CRTC3: variants seen among roughly 807,000 people sequenced by gnomAD.
CRTC3 encodes the protein CREB-regulated transcription coactivator 3.
Under a neutral mutation model 74.5 loss-of-function variants are expected in CRTC3, and 26 were observed. The observed-to-expected ratio is 0.35, with a 90% CI of 0.26 to 0.48. CRTC3 has a LOEUF of 0.48. Among genes scored for constraint, CRTC3 ranks in the 20% least tolerant of loss-of-function variants. The probability of loss-of-function intolerance (pLI) is 0.99; values close to 1 mark genes in which losing one functional copy is unlikely to be tolerated. For synonymous variants in CRTC3, 377 were observed against 325.8 expected, an observed-to-expected ratio of 1.16 and a Z score of -1.69; for missense variants, 760 against 787.3, an observed-to-expected ratio of 0.97 and a Z score of 0.41.
chr15:90,598,533 C>T (rs1567178493), intron 3 of CRTC3: 6 of 702,062 alleles, frequency 8.5e-6, no homozygotes, highest in African/African-American at 1.8e-5. Context: ...ACTGCAGAGG[C>T]TTGGGGAGAG....
chr15:90,560,330 G>A (rs533120099), intron 2 of CRTC3, among the ~76,000 whole-genome samples: 1 of 152,336 alleles, frequency 6.6e-6, no homozygotes, highest in South Asian at 2.1e-4. Flanking sequence ...ATTCTTGAAA[G>A]AGAATGTGTT....
At position 90,626,000 on chromosome 15, in the gene CRTC3, ATC is replaced by A; in HGVS notation, c.967+10_967+11del. ...GGTATAAGAAGCTCCTCTGGTGAGT[ATC>A]TCCTGCTTAGCAGTGACCTGGTGGC... On this transcript the variant is annotated splice_region_variant and intron_variant, in intron 10 of 14. Transcript: ENST00000268184. 1 of 1,610,412 alleles carries A rather than the reference ATC, an allele frequency of 6.2e-7. No individual in the cohort carries two copies. Among genetic ancestry groups the A allele is most frequent in the Non-Finnish European group, 8.5e-7 (1 of 1,176,556 alleles).
intron 11 of CRTC3, among the ~76,000 whole-genome samples, chr15:90,632,668 G>A (rs533642652): frequency 8.5e-5 from 13 of 152,158 alleles, no homozygotes; most frequent in African/African-American, 1.9e-4. Context: ...GTAGTGGTGC[G>A]ATCTCAACTC....
At chr15:90,546,307 C>T (rs1347737484) in intron 2 of CRTC3, among the ~76,000 whole-genome samples, 1 of 152,158 alleles carries the variant, frequency 6.6e-6, no homozygotes, top group African/African-American at 2.4e-5. Context: ...TTTCTTTTCC[C>T]TATTGAATGC....
intron 3 of CRTC3, among the ~76,000 whole-genome samples, chr15:90,597,102 C>T (rs1967945712): frequency 6.6e-6 from 1 of 152,228 alleles, no homozygotes; most frequent in South Asian, 2.1e-4. Context: ...ACAGCTGCAG[C>T]TGGGCCCTGG....
intron 2 of CRTC3, among the ~76,000 whole-genome samples, chr15:90,575,690 G>T (rs1967387977): frequency 6.6e-6 from 1 of 152,092 alleles, no homozygotes; most frequent in African/African-American, 2.4e-5. Flanking sequence ...TCATACACCA[G>T]AATCACACTA....
At chr15:90,632,552 C>T (rs962030992) in intron 11 of CRTC3, among the ~76,000 whole-genome samples, 11 of 152,156 alleles carry the variant, frequency 7.2e-5, no homozygotes, top group African/African-American at 2.7e-4. Flanking sequence ...TAGGCATATT[C>T]CTCACTGCCT....
chr15:90,561,334 C>T (rs1049318315), intron 2 of CRTC3, among the ~76,000 whole-genome samples: 1 of 152,176 alleles, frequency 6.6e-6, no homozygotes, highest in South Asian at 2.1e-4. Context: ...GAGAACTAAG[C>T]TTTTGCTGTT....
intron 2 of CRTC3, among the ~76,000 whole-genome samples, chr15:90,587,558 C>A (rs1275117818): frequency 6.6e-6 from 1 of 152,146 alleles, no homozygotes; most frequent in East Asian, 1.9e-4. Flanking sequence ...GAGCCTAAGG[C>A]CCTCCTTAAA....
chr15:90,632,078 T>A (rs1171317845), intron 11 of CRTC3, among the ~76,000 whole-genome samples: 1 of 149,338 alleles, frequency 6.7e-6, no homozygotes, highest in Non-Finnish European at 1.5e-5. Flanking sequence ...ATTTTTGTAT[T>A]TTTTTTTTTT....
intron 7 of CRTC3, 104 bp downstream of exon 7, chr15:90,614,592 C>T (rs1326419623): frequency 1.3e-6 from 1 of 771,958 alleles, no homozygotes; most frequent in African/African-American, 1.8e-5. Context: ...AGGACTCCCC[C>T]AAATGCTGAC....
At chr15:90,613,296 C>T (rs1275673548) in intron 6 of CRTC3, among the ~76,000 whole-genome samples, 1 of 152,046 alleles carries the variant, frequency 6.6e-6, no homozygotes, top group Non-Finnish European at 1.5e-5. Context: ...CAGGCTCACC[C>T]AAGGGCTCTT....
intron 2 of CRTC3, among the ~76,000 whole-genome samples, chr15:90,560,650 C>G (rs1966991529): frequency 6.6e-6 from 1 of 152,200 alleles, no homozygotes. Flanking sequence ...ATCAGGCCAC[C>G]AGCTCTGCAG....
At chr15:90,562,921 G>T (rs912800588) in intron 2 of CRTC3, among the ~76,000 whole-genome samples, 1 of 152,136 alleles carries the variant, frequency 6.6e-6, no homozygotes, top group Non-Finnish European at 1.5e-5. Context: ...GGCCACACAG[G>T]CTGTGACTCC....
chr15:90,533,569 A>G (rs188718539), intron 1 of CRTC3, among the ~76,000 whole-genome samples: 2 of 152,242 alleles, frequency 1.3e-5, no homozygotes, highest in Non-Finnish European at 2.9e-5. Flanking sequence ...GAGAAGAGTG[A>G]AAACATGGGG....
intron 2 of CRTC3, among the ~76,000 whole-genome samples, chr15:90,587,045 A>G (rs146433497): frequency 3.3e-5 from 5 of 152,340 alleles, no homozygotes; most frequent in African/African-American, 7.2e-5. Flanking sequence ...TGATATGCCA[A>G]CAGTACAGTA....
chr15:90,570,762 G>T (rs1209040544), intron 2 of CRTC3, among the ~76,000 whole-genome samples: 1 of 152,198 alleles, frequency 6.6e-6, no homozygotes, highest in Non-Finnish European at 1.5e-5. Flanking sequence ...CCCCAGAAAT[G>T]AGAGATGGTT....
chr15:90,531,728 G>C (rs1297026921), intron 1 of CRTC3, among the ~76,000 whole-genome samples: 2 of 152,150 alleles, frequency 1.3e-5, no homozygotes, highest in African/African-American at 4.8e-5. Context: ...TGAAAGCTGA[G>C]GATTAGTGTT....
intron 11 of CRTC3, 74 bp from the exon 12 acceptor site, chr15:90,638,372 C>A (rs1969314763): frequency 1.5e-6 from 2 of 1,309,352 alleles, no homozygotes; most frequent in Non-Finnish European, 2.2e-6. Flanking sequence ...CTCACTCTGA[C>A]ATTTCCTAAT....
Sources: gnomAD v4.1 joint callset for allele counts (sites outside exome capture counted in the v4.1 genomes callset) on GRCh38, gnomAD v4.1.1 for gene constraint, MANE v1.5 for transcripts, NCBI Gene and HGNC (gene_info 2026-07-23, HGNC 2026-07-21) for gene names.